The following RBFOX1 variants were observed in gnomAD, a reference collection of about 807,000 sequenced individuals.
RBFOX1 encodes the protein RNA binding fox-1 homolog 1.
In RBFOX1, 8 loss-of-function variants were observed where a neutral mutation model predicts 57.7. That is an observed-to-expected ratio of 0.14 (90% confidence interval 0.08 to 0.25). The LOEUF (loss-of-function observed/expected upper bound fraction) is 0.25. Among genes scored for constraint, RBFOX1 ranks in the 10% least tolerant of loss-of-function variants. The probability of loss-of-function intolerance (pLI) is 1.00; values close to 1 mark genes in which losing one functional copy is unlikely to be tolerated. For synonymous variants in RBFOX1, 326 were observed against 222.4 expected, an observed-to-expected ratio of 1.47 and a Z score of -4.15; for missense variants, 611 against 548.5, an observed-to-expected ratio of 1.11 and a Z score of -1.14.
At chr16:5,753,614 C>A (rs944640857) in intron 3 of RBFOX1, among the ~76,000 whole-genome samples, 2 of 152,110 alleles carry the variant, frequency 1.3e-5, no homozygotes, top group African/African-American at 2.4e-5. Context: ...GGAAACCTAC[C>A]AGCTGGTTGA....
chr16:5,334,209 C>T (rs938154407), intron 1 of RBFOX1, among the ~76,000 whole-genome samples: 1 of 152,118 alleles, frequency 6.6e-6, no homozygotes, highest in African/African-American at 2.4e-5. Flanking sequence ...GCTGACATCT[C>T]TCCGGCCAGA....
At chr16:5,888,084 T>C (rs1366994392) in intron 4 of RBFOX1, among the ~76,000 whole-genome samples, 1 of 152,206 alleles carries the variant, frequency 6.6e-6, no homozygotes, top group African/African-American at 2.4e-5. Flanking sequence ...GTGTTCCTGC[T>C]GGCCTCACCA....
intron 4 of RBFOX1, among the ~76,000 whole-genome samples, chr16:7,401,848 G>A (rs973130320): frequency 9.2e-5 from 14 of 152,238 alleles, no homozygotes; most frequent in Non-Finnish European, 2.1e-4. Flanking sequence ...TTTCCAAATT[G>A]CATAAAGGAA....
chr16:7,537,587 G>C (rs780589337), intron 5 of RBFOX1, among the ~76,000 whole-genome samples: 4 of 152,178 alleles, frequency 2.6e-5, no homozygotes, highest in Non-Finnish European at 5.9e-5. Flanking sequence ...CACTGAGCTG[G>C]GGGTGAAGAC....
At chr16:7,705,276 G>A (rs371084615) in intron 14 of RBFOX1, among the ~76,000 whole-genome samples, 1 of 152,164 alleles carries the variant, frequency 6.6e-6, no homozygotes, top group Admixed American at 6.5e-5. Flanking sequence ...GGAGGCCGAG[G>A]CAGGAGGATC....
intron 1 of RBFOX1, among the ~76,000 whole-genome samples, chr16:5,393,686 T>C (rs1199885516): frequency 6.6e-6 from 1 of 151,874 alleles, no homozygotes; most frequent in Non-Finnish European, 1.5e-5. Context: ...GTTTTTGTTT[T>C]TTTAAAAAAG....
At chr16:6,397,592 G>T (rs2092894950) in intron 2 of RBFOX1, among the ~76,000 whole-genome samples, 1 of 152,204 alleles carries the variant, frequency 6.6e-6, no homozygotes, top group African/African-American at 2.4e-5. Context: ...GAGACTTAAA[G>T]AGATGAATGA....
intron 1 of RBFOX1, among the ~76,000 whole-genome samples, chr16:6,256,343 A>G (rs1211456169): frequency 2.0e-5 from 3 of 146,582 alleles, no homozygotes; most frequent in Non-Finnish European, 4.5e-5. Flanking sequence ...GAAAGAAAGG[A>G]TGGTCCAAGA....
intron 3 of RBFOX1, among the ~76,000 whole-genome samples, chr16:5,834,303 C>G (rs972649723): frequency 6.6e-6 from 1 of 152,058 alleles, no homozygotes; most frequent in Non-Finnish European, 1.5e-5. Flanking sequence ...CTCTGTATAC[C>G]CCTGGGTACC....
intron 3 of RBFOX1, among the ~76,000 whole-genome samples, chr16:5,611,858 T>C (rs2047826203): frequency 7.2e-6 from 1 of 138,894 alleles, no homozygotes; most frequent in South Asian, 2.5e-4. Flanking sequence ...CTGTGTGCAG[T>C]AGCTCATATC....
chr16:5,851,550 A>C (rs1212103913), intron 3 of RBFOX1, among the ~76,000 whole-genome samples: 1 of 152,188 alleles, frequency 6.6e-6, no homozygotes. Context: ...AAGAAAAGCA[A>C]ACGGTCAACA....
intron 4 of RBFOX1, among the ~76,000 whole-genome samples, chr16:7,075,200 C>T (rs2058080222): frequency 6.6e-6 from 1 of 152,134 alleles, no homozygotes; most frequent in Non-Finnish European, 1.5e-5. Context: ...AGTGATGTTG[C>T]ATATATAGGG....
chr16:7,290,748 G>A (rs1169838037), intron 4 of RBFOX1, among the ~76,000 whole-genome samples: 1 of 152,190 alleles, frequency 6.6e-6, no homozygotes, highest in Non-Finnish European at 1.5e-5. Flanking sequence ...TGTACAGGAT[G>A]GGGGCGTGGA....
intron 13 of RBFOX1, among the ~76,000 whole-genome samples, chr16:7,673,494 C>T (rs1253183708): frequency 6.6e-6 from 1 of 152,102 alleles, no homozygotes; most frequent in East Asian, 1.9e-4. Flanking sequence ...ATCGCTTGAT[C>T]CCAGGAGTTT....
intron 3 of RBFOX1, among the ~76,000 whole-genome samples, chr16:6,784,003 C>T (rs2081480258): frequency 6.6e-6 from 1 of 152,152 alleles, no homozygotes; most frequent in African/African-American, 2.4e-5. Context: ...GAGAAGTCTG[C>T]TGACAAACAT....
intron 3 of RBFOX1, among the ~76,000 whole-genome samples, chr16:6,992,516 G>A (rs548632677): frequency 4.6e-5 from 7 of 152,018 alleles, no homozygotes; most frequent in Non-Finnish European, 8.8e-5. Context: ...ATCCAGCCTA[G>A]CAATTCCTTA....
intron 4 of RBFOX1, among the ~76,000 whole-genome samples, chr16:7,480,954 C>T (rs568338069): frequency 6.6e-6 from 1 of 152,116 alleles, no homozygotes; most frequent in Admixed American, 6.5e-5. Flanking sequence ...TTACTCAATG[C>T]TACTGTCTTT....
At chr16:7,629,929 G>T (rs765032131) in intron 10 of RBFOX1, among the ~76,000 whole-genome samples, 12 of 152,186 alleles carry the variant, frequency 7.9e-5, no homozygotes, top group African/African-American at 2.9e-4. Flanking sequence ...CCAGTGTCCA[G>T]TGTGGGTCCA....
At chr16:5,266,829 G>A (rs1384205088) in intron 1 of RBFOX1, among the ~76,000 whole-genome samples, 1 of 152,114 alleles carries the variant, frequency 6.6e-6, no homozygotes, top group Admixed American at 6.5e-5. Context: ...AAAGTGCTGG[G>A]ATGACAGGCA....
Sources: allele counts gnomAD v4.1 joint callset (sites outside exome capture counted in the v4.1 genomes callset), GRCh38; gene constraint gnomAD v4.1.1; transcripts MANE v1.5; gene names NCBI Gene and HGNC (gene_info 2026-07-23, HGNC 2026-07-21).